The following OPA3 variants were observed in gnomAD, a reference collection of about 807,000 sequenced individuals.
The protein encoded by OPA3 is outer mitochondrial membrane lipid metabolism regulator OPA3, also known as optic atrophy 3 protein.
OPA3 carries 6 observed loss-of-function variants against 4.0 expected under a neutral mutation model. That is an observed-to-expected ratio of 1.51 (90% confidence interval 0.83 to 2.99). The LOEUF (loss-of-function observed/expected upper bound fraction) is 2.99. OPA3 is among the 30% of genes most tolerant of loss of function. The pLI, the probability that OPA3 is intolerant of heterozygous loss-of-function variation, is 0.00. For missense variants in OPA3, 235 were observed against 256.2 expected, an observed-to-expected ratio of 0.92 and a Z score of 0.56; for synonymous variants, 105 against 117.1, an observed-to-expected ratio of 0.90 and a Z score of 0.67.
At chr19:45,542,986 T>G (rs1969204212), downstream of OPA3, among the ~76,000 whole-genome samples, 1 of 151,794 alleles carries the variant, frequency 6.6e-6, no homozygotes, top group South Asian at 2.1e-4. Context: ...CTTCACTGTT[T>G]TGTCTTATTT....
chr19:45,529,123 ACCT>A (rs1190718852), exon 2 of OPA3: 1 of 1,606,302 alleles, frequency 6.2e-7, no homozygotes, highest in Non-Finnish European at 8.5e-7. Context: ...GTGGGCTCGC[ACCT>A]CCTGCAGCTG....
At chr19:45,530,398 C>T (rs1297446677) in intron 1 of OPA3, among the ~76,000 whole-genome samples, 2 of 152,090 alleles carry the variant, frequency 1.3e-5, no homozygotes, top group Non-Finnish European at 2.9e-5. Flanking sequence ...TGCACTCCCC[C>T]TCAACCCCAT....
At chr19:45,572,276 A>T (rs1393511381) in intron 1 of OPA3, among the ~76,000 whole-genome samples, 1 of 125,232 alleles carries the variant, frequency 8.0e-6, no homozygotes, top group Non-Finnish European at 1.8e-5. Context: ...AAATATATAT[A>T]GTATATATAT....
At chr19:45,541,032 G>C (rs563549586) in intron 1 of OPA3, among the ~76,000 whole-genome samples, 83 of 152,244 alleles carry the variant, frequency 5.5e-4, no homozygotes. Flanking sequence ...AAGCGCCATT[G>C]CTGTTAGTCT....
intron 1 of OPA3, among the ~76,000 whole-genome samples, chr19:45,573,490 A>T (rs1276092893): frequency 6.6e-6 from 1 of 152,036 alleles, no homozygotes. Context: ...AAGTAAATAA[A>T]CATGTACAGA....
At chr19:45,537,727 G>T (rs1301885379) in intron 1 of OPA3, among the ~76,000 whole-genome samples, 1 of 152,024 alleles carries the variant, frequency 6.6e-6, no homozygotes, top group Non-Finnish European at 1.5e-5. Flanking sequence ...CTGCCCTCCG[G>T]TTTCAAGCGA....
intron 1 of OPA3, among the ~76,000 whole-genome samples, chr19:45,580,296 T>C (rs1382880104): frequency 4.1e-5 from 6 of 145,970 alleles, no homozygotes; most frequent in East Asian, 2.0e-4. Flanking sequence ...ACCCGGCCTT[T>C]TTTTTTTTTT....
chr19:45,559,291 G>A (rs373121098), intron 1 of OPA3, among the ~76,000 whole-genome samples: 3 of 150,864 alleles, frequency 2.0e-5, no homozygotes, highest in African/African-American at 4.9e-5. Flanking sequence ...GAGTAAGTCA[G>A]TATTCCTACT....
At chr19:45,554,186 G>C (rs1187080462) in intron 1 of OPA3, among the ~76,000 whole-genome samples, 2 of 152,214 alleles carry the variant, frequency 1.3e-5, no homozygotes, top group Middle Eastern at 3.2e-3. Context: ...AGTTCCCTGT[G>C]TTCCTCCCTT....
Position 45,553,451 on chromosome 19 carries a change from C to G in OPA3, c.*63G>C. 1.2e-6 allele frequency: 2 copies of G among 1,605,578 alleles called. No homozygotes were observed. Among genetic ancestry groups the G allele is most frequent in the Non-Finnish European group, 1.7e-6 (2 of 1,179,742 alleles). On this transcript the variant is annotated 3_prime_UTR_variant, in exon 2 of 2. Coordinates refer to ENST00000263275, the MANE Select transcript of OPA3 (RefSeq NM_025136.4). Reference sequence around the variant, plus strand: ...TGGGCCAGCGCAGGCAAGGGTGGTGCGGGAAGAAGGCCACGTTAGGTACAT... The same window carrying G: ...TGGGCCAGCGCAGGCAAGGGTGGTGGGGGAAGAAGGCCACGTTAGGTACAT...
downstream of OPA3, among the ~76,000 whole-genome samples, chr19:45,542,857 A>G (rs1377724928): frequency 6.6e-6 from 1 of 151,518 alleles, no homozygotes; most frequent in Non-Finnish European, 1.5e-5. Flanking sequence ...TACTTTTAGT[A>G]GAGACAGGTT....
chr19:45,530,511 T>C (rs898701357), intron 1 of OPA3, among the ~76,000 whole-genome samples: 25 of 149,288 alleles, frequency 1.7e-4, no homozygotes, highest in African/African-American at 5.4e-4. Flanking sequence ...TTTATGTATG[T>C]ATGGTTTTTT....
intron 1 of OPA3, among the ~76,000 whole-genome samples, chr19:45,579,233 T>C (rs1346537133): frequency 1.3e-5 from 2 of 152,182 alleles, no homozygotes; most frequent in African/African-American, 4.8e-5. Context: ...CTTTTAACTA[T>C]TTTTTGAGAT....
Position 45,553,716 on chromosome 19 carries a change from TC to T in OPA3, c.337del (p.Glu113ArgfsTer75). On this transcript the variant is annotated frameshift_variant, in exon 2 of 2. Transcript: ENST00000263275. LOFTEE classifies it low-confidence loss of function (END_TRUNC). Reference sequence around the variant, plus strand: ...CGCGTTCCAGGCAGCACGCTGCTCCTCCTCCTTGTGGCGCTGCTGCGCCTGG... The same window carrying T: ...CGCGTTCCAGGCAGCACGCTGCTCCTCTCCTTGTGGCGCTGCTGCGCCTGG... ...RHQAQQRHKE[E>X]EQRAAWNALR... is the part of the protein sequence containing the mutation. 6.2e-7 allele frequency: 1 copy of T among 1,609,610 alleles called. No homozygotes were observed. Among genetic ancestry groups the T allele is most frequent in the African/African-American group, 1.3e-5 (1 of 75,030 alleles).
intron 1 of OPA3, among the ~76,000 whole-genome samples, chr19:45,532,680 T>G (rs1238559742): frequency 6.6e-6 from 1 of 152,176 alleles, no homozygotes; most frequent in East Asian, 1.9e-4. Context: ...ATTTAAAATT[T>G]GATTATAAAA....
Position 45,532,734 on chromosome 19 carries a change from ATTATT to A in OPA3, c.143-3283_143-3279del, listed in dbSNP as rs551105139. 1.5e-3 allele frequency among the ~76,000 whole-genome samples: 232 copies of A among 152,178 alleles called. 1 individual carries two copies. Among genetic ancestry groups the A allele is most frequent in the Middle Eastern group, 6.8e-3 (2 of 294 alleles). ...AGTTTAGTGTCCATTCGGCTTTAAA[ATTATT>A]TTATTTTATTTTATTTTTTAATAGA... On this transcript the variant is annotated intron_variant, in intron 1 of 1. Transcript: ENST00000323060.
chr19:45,539,707 G>T (rs1969161227), intron 1 of OPA3, among the ~76,000 whole-genome samples: 1 of 151,330 alleles, frequency 6.6e-6, no homozygotes, highest in South Asian at 2.1e-4. Flanking sequence ...TGAGCAGACA[G>T]CGCGTCACTG....
downstream of OPA3, among the ~76,000 whole-genome samples, chr19:45,545,979 GC>G (rs1969244284): frequency 6.6e-6 from 1 of 152,020 alleles, no homozygotes; most frequent in African/African-American, 2.4e-5. Context: ...CTCCCTAAAT[GC>G]TGGGATTACA....
intron 1 of OPA3, among the ~76,000 whole-genome samples, chr19:45,533,529 T>C (rs1969082951): frequency 6.6e-6 from 1 of 152,182 alleles, no homozygotes; most frequent in Non-Finnish European, 1.5e-5. Context: ...AGGAGACACC[T>C]TGTGCTACAG....
Sources: allele counts gnomAD v4.1 joint callset (sites outside exome capture counted in the v4.1 genomes callset), GRCh38; gene constraint gnomAD v4.1.1; transcripts MANE v1.5; gene names NCBI Gene and HGNC (gene_info 2026-07-23, HGNC 2026-07-21).